The following NTRK3 variants were observed in gnomAD, a reference collection of about 807,000 sequenced individuals.
The protein encoded by NTRK3 is neurotrophic receptor tyrosine kinase 3.
Under a neutral mutation model 91.7 loss-of-function variants are expected in NTRK3, and 24 were observed. The ratio of observed to expected loss-of-function variants is 0.26; its 90% CI spans 0.19 to 0.37. NTRK3 has a LOEUF of 0.37. NTRK3 is among the 10% of genes least tolerant of loss of function. The pLI is 1.00. For missense variants in NTRK3, 880 were observed against 1,068.9 expected (o/e 0.82, Z 2.46); for synonymous variants, 483 against 404.0 (o/e 1.20, Z -2.34).
rs962507355 is a variant in NTRK3, at chr15:88,243,528, C to G, written c.248+12378G>C. Among the ~76,000 whole-genome samples, 3 of 117,776 alleles carry G rather than the reference C, an allele frequency of 2.5e-5. No individual in the cohort carries two copies. The highest frequency in any genetic ancestry group is 3.4e-5 in the African/African-American group (1 of 29,088). 77.3% of individuals were successfully genotyped at this position (117,776 alleles called of 152,430 possible). A position where few individuals can be genotyped will look rare whatever the true frequency, so the allele number is the denominator to read the frequency against. The stretch of plus-strand genomic sequence containing the variant: ...CTGCTTCTCACTTGATCCCATCCCC[C>G]ATAGCATGCACACACACACACACAC... On this transcript the variant is annotated intron_variant, in intron 3 of 18. Transcript: ENST00000394480. The surrounding 1 kb of genome is among the most constrained non-coding windows in gnomAD (Gnocchi z 4.8).
Position 88,235,326 on chromosome 15 carries a change from G to A in NTRK3, c.248+20580C>T, listed in dbSNP as rs2051602727. ...ACAATAGCCTCCAGGCTCTGAGCTG[G>A]CAGGCTGGGCTGGTCGCTGGACCCA... On this transcript the variant is annotated intron_variant, in intron 3 of 18. Transcript: ENST00000394480. This position sits in a 1 kb window ranked among gnomAD's most constrained non-coding sequence, Gnocchi z 5.2. 6.6e-6 allele frequency among the ~76,000 whole-genome samples: 1 copy of A among 152,182 alleles called. No individual in the cohort carries two copies. Among genetic ancestry groups the A allele is most frequent in the South Asian group, 2.1e-4 (1 of 4,832 alleles).
chr15:88,207,544 G>A lies in NTRK3; in HGVS notation c.249-23245C>T, dbSNP rs191887482. Among the ~76,000 whole-genome samples, 22 of 152,348 alleles carry A rather than the reference G, an allele frequency of 1.4e-4. No homozygotes were observed. The East Asian group carries it at 1.7e-3, about 12-fold the overall frequency. On this transcript the variant is annotated intron_variant, in intron 3 of 18. Transcript: ENST00000394480. ...CACTGTGGCCTCATCCAGTCACAGA[G>A]ACTCAGGTGGCAAAGCAGTATATTA...
intron 3 of NTRK3, among the ~76,000 whole-genome samples, chr15:88,225,867 G>T (rs1324876216): frequency 6.6e-6 from 1 of 152,154 alleles, no homozygotes; most frequent in African/African-American, 2.4e-5. Context: ...CTTCCTGGGG[G>T]TCCGATAGGC....
At chr15:88,127,047 CT>C (rs1008689227) in intron 12 of NTRK3, 114 bp downstream of exon 12, 896 of 863,652 alleles carry the variant, frequency 1.0e-3, no homozygotes, top group Non-Finnish European at 1.3e-3. Context: ...CAATTCATTA[CT>C]TTTTTTTTTC....
exon 19 of NTRK3, chr15:87,867,142 A>G (rs554166818): frequency 4.4e-6 from 1 of 225,292 alleles, no homozygotes; most frequent in South Asian, 1.8e-4. Flanking sequence ...CTTGTGCAAA[A>G]GCAACTGATG....
chr15:88,226,391 G>A (rs1196393831), intron 3 of NTRK3, among the ~76,000 whole-genome samples: 1 of 152,218 alleles, frequency 6.6e-6, no homozygotes, highest in Non-Finnish European at 1.5e-5. Flanking sequence ...TAAGAAACAG[G>A]CCACGAGCAG....
chr15:87,999,587 T>G (rs1203494807), intron 14 of NTRK3, among the ~76,000 whole-genome samples: 2 of 152,196 alleles, frequency 1.3e-5, no homozygotes, highest in Non-Finnish European at 2.9e-5. Flanking sequence ...CATCGAGCCA[T>G]GTAGATATTT....
chr15:88,135,039 C>T, intron 10 of NTRK3, 62 bp downstream of exon 10: 1 of 1,581,816 alleles, frequency 6.3e-7, no homozygotes, highest in Non-Finnish European at 8.7e-7. Flanking sequence ...AGCTACCATG[C>T]CCCATCTCCC....
chr15:88,185,066 A>T (rs1485760267), intron 3 of NTRK3, among the ~76,000 whole-genome samples: 1 of 152,186 alleles, frequency 6.6e-6, no homozygotes, highest in Non-Finnish European at 1.5e-5. Flanking sequence ...TTCATTTGTA[A>T]AAGAGGAGAG....
chr15:87,998,851 A>C (rs2075896403), intron 14 of NTRK3, among the ~76,000 whole-genome samples: 1 of 140,832 alleles, frequency 7.1e-6, no homozygotes, highest in Admixed American at 6.7e-5. Context: ...ACTGCCTCAC[A>C]TGATGAAGTT....
At chr15:87,953,567 C>T (rs2071362725) in intron 14 of NTRK3, among the ~76,000 whole-genome samples, 3 of 152,154 alleles carry the variant, frequency 2.0e-5, no homozygotes, top group Admixed American at 6.5e-5. Context: ...CACTGAATAT[C>T]ACTAGACCTG....
chr15:87,903,766 T>A (rs983261524), intron 17 of NTRK3, among the ~76,000 whole-genome samples: 5 of 152,218 alleles, frequency 3.3e-5, no homozygotes, highest in Admixed American at 6.5e-5. Flanking sequence ...CCAGTCTTAA[T>A]GATCTTGGAT....
At chr15:87,895,304 T>A (rs977944047) in intron 17 of NTRK3, among the ~76,000 whole-genome samples, 2 of 152,172 alleles carry the variant, frequency 1.3e-5, no homozygotes. Context: ...GGCAAACAAA[T>A]CAGAAATATA....
intron 5 of NTRK3, among the ~76,000 whole-genome samples, chr15:88,159,141 T>TCTGAGGAA (rs2044201869): frequency 1.3e-5 from 2 of 152,218 alleles, no homozygotes; most frequent in South Asian, 4.1e-4. Flanking sequence ...AGCACATTCC[T>TCTGAGGAA]GTTCATTACT....
At chr15:87,880,406 G>C (rs2141468977) in exon 18 of NTRK3, 2 of 1,614,126 alleles carry the variant, frequency 1.2e-6, no homozygotes, top group Non-Finnish European at 8.5e-7. Flanking sequence ...CCAGCGAATG[G>C]GGAGCATGGT....
intron 5 of NTRK3, among the ~76,000 whole-genome samples, chr15:88,173,996 G>A (rs2045768606): frequency 6.6e-6 from 1 of 152,256 alleles, no homozygotes; most frequent in South Asian, 2.1e-4. Context: ...ATAGAGGAAT[G>A]CTTGGTCTAT....
At chr15:87,932,983 A>G (rs1310472620) in intron 16 of NTRK3, 29 bp downstream of exon 16, 1 of 1,613,010 alleles carries the variant, frequency 6.2e-7, no homozygotes, top group South Asian at 1.1e-5. Flanking sequence ...GACTGGGGTC[A>G]GGTGCAGGGG....
exon 19 of NTRK3, chr15:87,877,103 G>A (rs2064982162): frequency 6.2e-7 from 1 of 1,613,958 alleles, no homozygotes; most frequent in South Asian, 1.1e-5. Flanking sequence ...CACGACCTTG[G>A]GTAATGCACT....
intron 17 of NTRK3, among the ~76,000 whole-genome samples, chr15:87,920,395 C>A (rs532902399): frequency 1.3e-5 from 2 of 152,194 alleles, no homozygotes; most frequent in Non-Finnish European, 2.9e-5. Context: ...GCTCAGGTAA[C>A]TAAAGCTCTG....
Sources: gnomAD v4.1 joint callset for allele counts (sites outside exome capture counted in the v4.1 genomes callset) on GRCh38, gnomAD v4.1.1 for gene constraint, Gnocchi (gnomAD v3.1) non-coding constraint, MANE v1.5 for transcripts, NCBI Gene and HGNC (gene_info 2026-07-23, HGNC 2026-07-21) for gene names.